Variants in LRRFIP1 observed in about 807,000 individuals in gnomAD.
The protein encoded by LRRFIP1 is LRR binding FLII interacting protein 1.
Under a neutral mutation model 104.4 loss-of-function variants are expected in LRRFIP1, and 62 were observed. That is an observed-to-expected ratio of 0.59 (90% CI 0.48 to 0.73). The LOEUF (loss-of-function observed/expected upper bound fraction) is 0.73. LRRFIP1 is among the 30% of genes least tolerant of loss of function. The pLI, the probability that LRRFIP1 is intolerant of heterozygous loss-of-function variation, is 0.00. For synonymous variants in LRRFIP1, 300 were observed against 299.0 expected (o/e 1.00, Z -0.03); for missense variants, 796 against 824.5 (o/e 0.97, Z 0.42).
intron 2 of LRRFIP1, among the ~76,000 whole-genome samples, chr2:237,710,863 C>G (rs2094043057): frequency 2.0e-5 from 3 of 152,056 alleles, no homozygotes; most frequent in Admixed American, 2.0e-4. Context: ...GCTGGACTCC[C>G]ACGTCTCTGT....
intron 1 of LRRFIP1, among the ~76,000 whole-genome samples, chr2:237,679,323 T>C (rs561530865): frequency 6.6e-6 from 1 of 152,316 alleles, no homozygotes; most frequent in African/African-American, 2.4e-5. Flanking sequence ...GAGCAAGCAC[T>C]AACTCACAAA....
chr2:237,642,329 G>A (rs1041019825), intron 1 of LRRFIP1, among the ~76,000 whole-genome samples: 7 of 152,246 alleles, frequency 4.6e-5, no homozygotes, highest in South Asian at 2.1e-4. Context: ...TAGGCTGCAC[G>A]CCTGGTTCCA....
intron 11 of LRRFIP1, among the ~76,000 whole-genome samples, chr2:237,744,755 A>G (rs2057582245): frequency 6.6e-6 from 1 of 152,238 alleles, no homozygotes; most frequent in Non-Finnish European, 1.5e-5. Flanking sequence ...CCTGACCTGA[A>G]ATGTTTAGTA....
intron 20 of LRRFIP1, 115 bp downstream of exon 20, chr2:237,770,107 T>G (rs1474775985): frequency 1.4e-5 from 11 of 793,566 alleles, no homozygotes; most frequent in Admixed American, 2.2e-5. Flanking sequence ...CTGAAAGTCT[T>G]TATCAAGCCA....
chr2:237,684,042 T>C (rs1305432487), intron 1 of LRRFIP1, among the ~76,000 whole-genome samples: 2 of 152,228 alleles, frequency 1.3e-5, no homozygotes, highest in Non-Finnish European at 2.9e-5. Flanking sequence ...ATTTATTTCA[T>C]GGCTCTGACT....
chr2:237,765,765 C>T, intron 19 of LRRFIP1: 1 of 959,284 alleles, frequency 1.0e-6, no homozygotes, highest in Non-Finnish European at 1.2e-6. Context: ...AGGAATGTAC[C>T]TTATGAATGT....
intron 19 of LRRFIP1, chr2:237,762,733 C>T (rs202120902): frequency 2.1e-4 from 340 of 1,614,230 alleles, no homozygotes; most frequent in Middle Eastern, 8.2e-4. Context: ...TAGAGGTATT[C>T]CCTGCTGGTG....
At chr2:237,646,622 G>T (rs1039359923) in intron 1 of LRRFIP1, among the ~76,000 whole-genome samples, 12 of 152,014 alleles carry the variant, frequency 7.9e-5, no homozygotes, top group African/African-American at 2.9e-4. Flanking sequence ...AGTAATTAAG[G>T]TTAAATGAGG....
chr2:237,739,577 T>G (rs2095353283), intron 11 of LRRFIP1, among the ~76,000 whole-genome samples: 1 of 152,220 alleles, frequency 6.6e-6, no homozygotes, highest in Non-Finnish European at 1.5e-5. Flanking sequence ...TTTAAAAATT[T>G]GAAGTATTGA....
intron 23 of LRRFIP1, among the ~76,000 whole-genome samples, chr2:237,779,038 A>G (rs2061331826): frequency 5.3e-5 from 8 of 152,228 alleles, no homozygotes; most frequent in Admixed American, 5.2e-4. Flanking sequence ...CCTGGCCAAC[A>G]TGGCAAAACC....
rs753383113 is a variant in LRRFIP1 at position 237,774,446 on chromosome 2, G to A, written c.1796G>A (p.Arg599Gln). ...KIEDELKAEK[R>Q]KLQRELRSAL... ...GAAGATGAACTTAAGGCAGAAAAACGGAAACTCCAAAGAGAGGTAAATTTC... is the reference window on the plus strand; with the variant it reads ...GAAGATGAACTTAAGGCAGAAAAACAGAAACTCCAAAGAGAGGTAAATTTC... Residue 599 changes from arginine (R) to glutamine (Q), a missense_variant, in exon 23 of 24, where the codon CGG becomes CAG. By Grantham distance (43) the Arg-to-Gln change is conservative. Transcript: ENST00000308482. 3.4e-5 allele frequency: 55 copies of A among 1,612,016 alleles called. No homozygotes were observed. The highest frequency in any genetic ancestry group is 2.3e-5 in the Non-Finnish European group (27 of 1,178,712).
chr2:237,748,374 G>A lies in LRRFIP1; in HGVS notation c.644G>A (p.Arg215Lys). 1 of 1,605,730 alleles carries A rather than the reference G, an allele frequency of 6.2e-7. No individual in the cohort carries two copies. The highest frequency in any genetic ancestry group is 1.1e-5 in the South Asian group (1 of 89,636). Reference sequence around the variant, plus strand: ...TGTTTTCGTCTACAGGTAGAAGAGAGACCAGAAAAAGATTTTACTGAGAAG... The same window carrying A: ...TGTTTTCGTCTACAGGTAGAAGAGAAACCAGAAAAAGATTTTACTGAGAAG... The part of the protein sequence containing the change: ...SARASPVVEE[R>K]PEKDFTEKGS... Residue 215 changes from arginine to lysine, a missense_variant, in exon 12 of 24, where the codon AGA (arginine) becomes AAA (lysine). Coordinates refer to ENST00000308482, the MANE Select transcript of LRRFIP1 (RefSeq NM_001137550.2).
chr2:237,752,234 C>T (rs1401281934), intron 14 of LRRFIP1, among the ~76,000 whole-genome samples: 2 of 152,096 alleles, frequency 1.3e-5, no homozygotes, highest in South Asian at 2.1e-4. Context: ...GGTGAGACCC[C>T]GTCTCTACTA....
At chr2:237,704,328 ATT>A (rs2093698888) in intron 1 of LRRFIP1, among the ~76,000 whole-genome samples, 1 of 151,288 alleles carries the variant, frequency 6.6e-6, no homozygotes, top group African/African-American at 2.4e-5. Flanking sequence ...AATTTTTTGT[ATT>A]TTTAGTAGAG....
In LRRFIP1 at chr2:237,781,265, G is replaced by A. The variant is rs1294411923; in HGVS notation, c.*1733G>A. Among the ~76,000 whole-genome samples, 1 of 152,210 alleles carries A rather than the reference G, an allele frequency of 6.6e-6. No homozygotes were observed. Among genetic ancestry groups the A allele is most frequent in the Non-Finnish European group, 1.5e-5 (1 of 68,030 alleles). On this transcript the variant is annotated 3_prime_UTR_variant, in exon 24 of 24. Coordinates refer to ENST00000308482, the MANE Select transcript of LRRFIP1 (RefSeq NM_001137550.2). ...CAGACACGGCCGGCAGCATGCTGAC[G>A]CTTTTAGGTATTTTTCACTCATGCA...
rs367761337 is a variant in LRRFIP1 at position 237,723,591 on chromosome 2, G to C, written c.384+5G>C. ...TATGGGGGTCCTTACGCCTGGGTGA[G>C]ATGGTCGGATATACTTTGCTGTGTG... On this transcript the variant is annotated splice_donor_5th_base_variant and intron_variant, in intron 7 of 23. Transcript: ENST00000308482. 52 of 1,613,940 alleles carry C rather than the reference G, an allele frequency of 3.2e-5. No homozygotes were observed. The highest frequency in any genetic ancestry group is 4.3e-5 in the Non-Finnish European group (51 of 1,179,870).
intron 7 of LRRFIP1, among the ~76,000 whole-genome samples, chr2:237,724,402 A>G (rs1194713724): frequency 2.0e-5 from 3 of 152,384 alleles, no homozygotes; most frequent in East Asian, 1.9e-4. Context: ...TTGCAATTAT[A>G]GTGAATCAAT....
intron 1 of LRRFIP1, among the ~76,000 whole-genome samples, chr2:237,689,473 C>T (rs899122120): frequency 1.2e-4 from 18 of 152,216 alleles, no homozygotes; most frequent in African/African-American, 3.9e-4. Flanking sequence ...AGAAACCAGC[C>T]ATTATTTTAT....
rs544590393 is a variant in LRRFIP1 at position 237,699,445 on chromosome 2, C to T, written c.97-9099C>T. On this transcript the variant is annotated intron_variant, in intron 1 of 23. Transcript: ENST00000308482. Reference sequence around the variant, plus strand: ...TCGGCTCACTACAACCTCCGCCTCCCGGGTTCAAGTGATTCTCCTGCCTCA... The same window carrying T: ...TCGGCTCACTACAACCTCCGCCTCCTGGGTTCAAGTGATTCTCCTGCCTCA... 3.3e-4 allele frequency among the ~76,000 whole-genome samples: 49 copies of T among 149,988 alleles called. No individual in the cohort carries two copies. The South Asian group carries it at 8.0e-3, about 25-fold the overall frequency.
Sources: gnomAD v4.1 joint callset for allele counts (sites outside exome capture counted in the v4.1 genomes callset) on GRCh38, gnomAD v4.1.1 for gene constraint, MANE v1.5 for transcripts, NCBI Gene and HGNC (gene_info 2026-07-23, HGNC 2026-07-21) for gene names.